SLC25A33: variants seen among roughly 807,000 people sequenced by gnomAD.
SLC25A33 encodes the protein bone marrow stromal cell mitochondrial carrier protein.
In SLC25A33, 15 loss-of-function variants were observed where a neutral mutation model predicts 35.5. The observed-to-expected ratio is 0.42, with a 90% CI of 0.28 to 0.65. The LOEUF (loss-of-function observed/expected upper bound fraction) is 0.65, where lower values mean the gene tolerates loss of function less well. Ranked by LOEUF, SLC25A33 falls within the 30% of genes least tolerant of loss-of-function variation. The pLI is 0.20. For synonymous variants in SLC25A33, 136 were observed against 148.7 expected, an observed-to-expected ratio of 0.91 and a Z score of 0.62; for missense variants, 257 against 398.5, an observed-to-expected ratio of 0.64 and a Z score of 3.02.
Position 9,573,852 on chromosome 1 carries a change from T to C in SLC25A33, c.482+440T>C, listed in dbSNP as rs1643623060. Among the ~76,000 whole-genome samples, 7 of 152,304 alleles carry C rather than the reference T, an allele frequency of 4.6e-5. No individual in the cohort carries two copies. In the South Asian group the frequency reaches 1.4e-3, roughly 32 times the overall value. On this transcript the variant is annotated intron_variant, in intron 5 of 6. Coordinates refer to ENST00000302692, the MANE Select transcript of SLC25A33 (RefSeq NM_032315.3). ...AAGGCCCTCAGCTGTAATAGGTTTC[T>C]ACCCTCAAGCTCCAGCCAGGGGTTT...
At chr1:9,572,327 G>A (rs1220874637) in intron 4 of SLC25A33, among the ~76,000 whole-genome samples, 1 of 152,148 alleles carries the variant, frequency 6.6e-6, no homozygotes, top group Admixed American at 6.5e-5. Flanking sequence ...TAAAACCAGT[G>A]TCAGCCGGGC....
intron 3 of SLC25A33, among the ~76,000 whole-genome samples, chr1:9,568,631 C>G (rs192940546): frequency 2.0e-5 from 3 of 150,268 alleles, no homozygotes; most frequent in African/African-American, 7.3e-5. Context: ...GCCGGGGGAT[C>G]ACGGGGTCAG....
chr1:9,571,073 C>T (rs1377677705), intron 4 of SLC25A33, among the ~76,000 whole-genome samples: 4 of 152,136 alleles, frequency 2.6e-5, no homozygotes, highest in Non-Finnish European at 4.4e-5. Flanking sequence ...GGGTCCCACA[C>T]ACCCTGTGTA....
intron 6 of SLC25A33, 145 bp downstream of exon 6, chr1:9,580,379 G>T (rs879559782): frequency 3.8e-6 from 4 of 1,043,820 alleles, no homozygotes; most frequent in Non-Finnish European, 2.8e-6. Context: ...AGCTCTAACC[G>T]CATGGACAGA....
Position 9,539,734 on chromosome 1 carries a change from C to A in SLC25A33, c.43C>A (p.Leu15Ile). ...GCAGAAGGAGAACACGCTGCTTCACCTCTTCGCCGGCGGGTGAGTTCCCGG... is the reference window on the plus strand; with the variant it reads ...GCAGAAGGAGAACACGCTGCTTCACATCTTCGCCGGCGGGTGAGTTCCCGG... ...GQQKENTLLH[L>I]FAGGCGGTVG... Residue 15 changes from leucine (L) to isoleucine (I), a missense_variant, in exon 1 of 7, where the codon CTC (leucine) becomes ATC (isoleucine). Physicochemically the swap from Leu to Ile is conservative, Grantham distance 5 (BLOSUM62 2). Transcript: ENST00000302692. The A allele has an allele frequency of 7.1e-7, 1 of 1,407,286 alleles. No individual in the cohort carries two copies. The highest frequency in any genetic ancestry group is 1.4e-5 in the South Asian group (1 of 69,978). 87.2% of individuals were successfully genotyped at this position (1,407,286 alleles called of 1,614,324 possible). A position where few individuals can be genotyped will look rare whatever the true frequency, so the allele number is the denominator to read the frequency against.
At chr1:9,570,794 C>T (rs1012291433) in intron 4 of SLC25A33, among the ~76,000 whole-genome samples, 6 of 148,726 alleles carry the variant, frequency 4.0e-5, no homozygotes, top group African/African-American at 1.5e-4. Context: ...CTCACTGCAG[C>T]CTCCTCCTCC....
chr1:9,571,010 G>A (rs1643582743), intron 4 of SLC25A33, among the ~76,000 whole-genome samples: 1 of 152,052 alleles, frequency 6.6e-6, no homozygotes, highest in Non-Finnish European at 1.5e-5. Flanking sequence ...ACTGCGCCCA[G>A]CCCCATCAGA....
intron 2 of SLC25A33, among the ~76,000 whole-genome samples, chr1:9,564,406 GCAA>G (rs1283780501): frequency 3.3e-5 from 5 of 152,086 alleles, no homozygotes; most frequent in Admixed American, 6.6e-5. Flanking sequence ...GTGTGATCCA[GCAA>G]TTCCACTTGG....
intron 5 of SLC25A33, among the ~76,000 whole-genome samples, chr1:9,575,442 C>T (rs1484267900): frequency 2.2e-4 from 33 of 151,322 alleles, no homozygotes; most frequent in Admixed American, 2.2e-3. Context: ...TGGTGAAACC[C>T]CGTCTCTACT....
At chr1:9,569,202 G>A (rs1389439225) in intron 3 of SLC25A33, among the ~76,000 whole-genome samples, 9 of 148,442 alleles carry the variant, frequency 6.1e-5, no homozygotes, top group Non-Finnish European at 1.0e-4. Flanking sequence ...CCCAGGTCAC[G>A]CCACTGCACT....
In SLC25A33 at chr1:9,567,354, C is replaced by T; in HGVS notation, c.307C>T (p.Pro103Ser). Residue 103 changes from proline to serine, a missense_variant, in exon 3 of 7, where the codon CCA becomes TCA. Coordinates refer to ENST00000302692, the MANE Select transcript of SLC25A33 (RefSeq NM_032315.3). ...GLGPNLVGVA[P>S]SRAVYFACYS... ...GGGTCCAAATTTGGTTGGAGTTGCA[C>T]CATCAAGGTAAGCATTAAACTTTCC... The T allele has an allele frequency of 1.2e-6, 2 of 1,613,690 alleles. No homozygotes were observed. Among genetic ancestry groups the T allele is most frequent in the Non-Finnish European group, 1.7e-6 (2 of 1,179,858 alleles).
At chr1:9,568,474 C>A (rs541214690) in intron 3 of SLC25A33, among the ~76,000 whole-genome samples, 1 of 152,094 alleles carries the variant, frequency 6.6e-6, no homozygotes, top group African/African-American at 2.4e-5. Flanking sequence ...AACAAAAAAA[C>A]TTCTTCCAGA....
In SLC25A33 at chr1:9,564,725, TAAAA is replaced by T. The variant is rs1553146726; in HGVS notation, c.237-2547_237-2544del. ...AACATGGTGACACCTCGTCTCTATT[TAAAA>T]AAAAAAAAAAATATATATATATATA... On this transcript the variant is annotated intron_variant, in intron 2 of 6. Coordinates refer to ENST00000302692, the MANE Select transcript of SLC25A33 (RefSeq NM_032315.3). Among the ~76,000 whole-genome samples the T allele has an allele frequency of 2.8e-3, 263 of 94,408 alleles. 4 individuals carry two copies. Among genetic ancestry groups the T allele is most frequent in the Middle Eastern group, 5.2e-3 (1 of 194 alleles). 61.9% of individuals were successfully genotyped at this position (94,408 alleles called of 152,430 possible). A position where few individuals can be genotyped will look rare whatever the true frequency, so the allele number is the denominator to read the frequency against.
intron 3 of SLC25A33, among the ~76,000 whole-genome samples, chr1:9,569,193 C>G (rs1000124836): frequency 6.6e-6 from 1 of 150,786 alleles, no homozygotes; most frequent in Admixed American, 6.6e-5. Flanking sequence ...TGCAGTGAGC[C>G]CAGGTCACGC....
chr1:9,555,734 G>C (rs1456877207), intron 2 of SLC25A33, among the ~76,000 whole-genome samples: 1 of 152,126 alleles, frequency 6.6e-6, no homozygotes, highest in Non-Finnish European at 1.5e-5. Context: ...ACCCAAGCTG[G>C]AGTGCAGTGG....
chr1:9,578,314 AGAAG>A lies in SLC25A33; in HGVS notation c.483-1638_483-1635del, dbSNP rs1643692269. On this transcript the variant is annotated intron_variant, in intron 5 of 6. Coordinates refer to ENST00000302692, the MANE Select transcript of SLC25A33 (RefSeq NM_032315.3). The surrounding 1 kb of genome is among the most constrained non-coding windows in gnomAD (Gnocchi z 4.3). ...GGAACAGTCTATGCGGAGATAATAA[AGAAG>A]GGAGAGAGGCCAGCTGAGACTGAAG... Among the ~76,000 whole-genome samples the A allele has an allele frequency of 6.6e-6, 1 of 152,174 alleles. No individual in the cohort carries two copies. The highest frequency in any genetic ancestry group is 6.5e-5 in the Admixed American group (1 of 15,272).
At chr1:9,576,694 G>T (rs1055781187) in intron 5 of SLC25A33, 6 of 668,664 alleles carry the variant, frequency 9.0e-6, no homozygotes, top group African/African-American at 1.8e-5. Context: ...GATGAGGTCT[G>T]CGTATGCTCA....
rs748902021 is a variant in SLC25A33 at position 9,580,086 on chromosome 1, T to C, written c.615T>C (p.Ala205=). Residue 205 remains alanine, a synonymous_variant, in exon 6 of 7, where the codon GCT becomes GCC. Transcript: ENST00000302692. ...AGISETIICF[A]IYESLKKYLK... ...TTTCCGAAACTATAATCTGCTTTGC[T>C]ATTTATGAAAGTTTAAAGAAGTATC... 1.9e-6 allele frequency: 3 copies of C among 1,613,024 alleles called. No individual in the cohort carries two copies. Among genetic ancestry groups the C allele is most frequent in the Non-Finnish European group, 2.5e-6 (3 of 1,179,224 alleles).
intron 2 of SLC25A33, among the ~76,000 whole-genome samples, chr1:9,565,473 GCC>G (rs1643487601): frequency 7.0e-6 from 1 of 143,592 alleles, no homozygotes; most frequent in Non-Finnish European, 1.5e-5. Flanking sequence ...CTGAGATCAT[GCC>G]ACTGCACTCC....
Sources: allele counts gnomAD v4.1 joint callset (sites outside exome capture counted in the v4.1 genomes callset), GRCh38; gene constraint gnomAD v4.1.1; non-coding constraint Gnocchi (gnomAD v3.1); transcripts MANE v1.5; gene names NCBI Gene and HGNC (gene_info 2026-07-23, HGNC 2026-07-21).